Variants in CELSR1 observed in about 807,000 individuals in gnomAD.
The protein encoded by CELSR1 is cadherin EGF LAG seven-pass G-type receptor 1.
A neutral mutation model predicts 249.1 loss-of-function variants in CELSR1; 110 were observed. The observed-to-expected ratio is 0.44, with a 90% CI of 0.38 to 0.52. CELSR1 has a LOEUF of 0.52. Among genes scored for constraint, CELSR1 ranks in the 20% least tolerant of loss-of-function variants. CELSR1 has a pLI of 0.00. For synonymous variants in CELSR1, 2,113 were observed against 1,900.0 expected, an observed-to-expected ratio of 1.11 and a Z score of -2.92; for missense variants, 4,109 against 4,296.4, an observed-to-expected ratio of 0.96 and a Z score of 1.22.
chr22:46,372,766 G>A, intron 25 of CELSR1, 117 bp downstream of exon 25: 1 of 1,323,264 alleles, frequency 7.6e-7, no homozygotes, highest in Non-Finnish European at 1.0e-6. Flanking sequence ...CTCCTCTGCT[G>A]GGGGCTGGAC....
rs2079665098 is a variant in CELSR1, at chr22:46,436,634, GCT to G, written c.4407-347_4407-346del. ...AAGCACGTGCTGTACATTTTCTGCT[GCT>G]GTGAACAGATCCCCCCGTGTGTGCG... On this transcript the variant is annotated intron_variant, in intron 3 of 34. Coordinates refer to ENST00000674500, the MANE Select transcript of CELSR1 (RefSeq NM_001378328.1). This position sits in a 1 kb window ranked among gnomAD's most constrained non-coding sequence, Gnocchi z 5.9. Among the ~76,000 whole-genome samples, 3 of 152,188 alleles carry G rather than the reference GCT, an allele frequency of 2.0e-5. No homozygotes were observed. The highest frequency in any genetic ancestry group is 4.4e-5 in the Non-Finnish European group (3 of 68,028).
intron 1 of CELSR1, among the ~76,000 whole-genome samples, chr22:46,503,878 T>A (rs2080489162): frequency 2.0e-5 from 1 of 50,508 alleles, no homozygotes; most frequent in Non-Finnish European, 4.8e-5. Context: ...ACTAAAAAAT[T>A]TTAAAAGTAG....
chr22:46,432,668 G>A (rs528375131), intron 5 of CELSR1, among the ~76,000 whole-genome samples: 213 of 152,342 alleles, frequency 1.4e-3, no homozygotes, highest in African/African-American at 4.9e-3. Flanking sequence ...AGCCTTCACG[G>A]CACTTCCTTG....
At chr22:46,403,562 C>CA (rs1463091748) in intron 9 of CELSR1, among the ~76,000 whole-genome samples, 22 of 150,106 alleles carry the variant, frequency 1.5e-4, no homozygotes, top group Admixed American at 9.9e-4. Context: ...GTCACACACA[C>CA]AAAAAAAACA....
rs2078728775 is a variant in CELSR1, at chr22:46,363,478, A to G, written c.9036-231T>C. On this transcript the variant is annotated intron_variant, in intron 34 of 34. Coordinates refer to ENST00000674500, the MANE Select transcript of CELSR1 (RefSeq NM_001378328.1). This position sits in a 1 kb window ranked among gnomAD's most constrained non-coding sequence, Gnocchi z 4.3. The stretch of plus-strand genomic sequence containing the variant: ...TGTTGCTGGTCTTTCAGAAGAGCGC[A>G]AGGAATCCACGTTAGAAACCGGCCA... The G allele has an allele frequency of 2.6e-5, 13 of 494,766 alleles. No homozygotes were observed. Among genetic ancestry groups the G allele is most frequent in the Non-Finnish European group, 4.4e-5 (12 of 273,044 alleles). 30.6% of individuals were successfully genotyped at this position (494,766 alleles called of 1,614,324 possible). A position where few individuals can be genotyped will look rare whatever the true frequency, so the allele number is the denominator to read the frequency against.
chr22:46,481,437 C>T (rs1362452516), intron 1 of CELSR1: 30 of 1,573,260 alleles, frequency 1.9e-5, no homozygotes, highest in Non-Finnish European at 2.6e-5. Context: ...TCTGCTTCAA[C>T]TGAAGCTCCT....
intron 24 of CELSR1, 36 bp downstream of exon 24, chr22:46,377,025 G>T (rs1234247997): frequency 6.2e-7 from 1 of 1,604,694 alleles, no homozygotes; most frequent in South Asian, 1.1e-5. Flanking sequence ...CCAAGCTGCG[G>T]CCCAGACAGT....
intron 4 of CELSR1, among the ~76,000 whole-genome samples, chr22:46,435,896 T>G (rs2079654024): frequency 6.6e-6 from 1 of 151,914 alleles, no homozygotes; most frequent in Non-Finnish European, 1.5e-5. Flanking sequence ...AGAGGGGGTT[T>G]CACCATGTTG....
chr22:46,375,505 G>A (rs760394873), intron 24 of CELSR1, among the ~76,000 whole-genome samples: 15 of 149,854 alleles, frequency 1.0e-4, no homozygotes, highest in Non-Finnish European at 1.8e-4. Flanking sequence ...AGACTGCTCT[G>A]ATCTTCTGCC....
intron 12 of CELSR1, 64 bp downstream of exon 12, chr22:46,397,610 C>A: frequency 1.5e-6 from 2 of 1,350,274 alleles, no homozygotes; most frequent in Non-Finnish European, 1.9e-6. Context: ...ACTGAGCCCC[C>A]CTCCTGTGTT....
In CELSR1 at chr22:46,399,615, C is replaced by T; in HGVS notation, c.5412+102G>A. On this transcript the variant is annotated intron_variant, in intron 10 of 34. Transcript: ENST00000674500. The surrounding 1 kb of genome is among the most constrained non-coding windows in gnomAD (Gnocchi z 5.0). ...GACCCAGAAAGTGCCTCCCCAAATC[C>T]ACAAGGTCTCTGGTGGGTCCTGGCA... is the stretch of plus-strand genomic sequence containing the variant. 8.0e-7 allele frequency: 1 copy of T among 1,250,504 alleles called. No individual in the cohort carries two copies. Among genetic ancestry groups the T allele is most frequent in the Admixed American group, 1.9e-5 (1 of 52,190 alleles). 77.5% of individuals were successfully genotyped at this position (1,250,504 alleles called of 1,614,324 possible).
At position 46,440,846 on chromosome 22, in the gene CELSR1, C is replaced by A. The variant is rs897046111; in HGVS notation, c.4184-1435G>T. 6.6e-6 allele frequency among the ~76,000 whole-genome samples: 1 copy of A among 151,998 alleles called. No homozygotes were observed. ...TTTTTTTCTTCATGGCTCTGGTCATCTTGGGTTGTTAAAAGACTGCCACAG... is the reference window on the plus strand; with the variant it reads ...TTTTTTTCTTCATGGCTCTGGTCATATTGGGTTGTTAAAAGACTGCCACAG... On this transcript the variant is annotated intron_variant, in intron 2 of 34. Transcript: ENST00000674500. The surrounding 1 kb of genome is among the most constrained non-coding windows in gnomAD (Gnocchi z 4.7).
chr22:46,497,884 T>C (rs936063986), intron 1 of CELSR1, among the ~76,000 whole-genome samples: 10 of 152,144 alleles, frequency 6.6e-5, no homozygotes, highest in African/African-American at 2.2e-4. Context: ...AAGAAAACTA[T>C]GTAAAAGAAC....
intron 20 of CELSR1, 115 bp downstream of exon 20, chr22:46,384,428 G>C (rs2079010497): frequency 7.1e-6 from 9 of 1,273,588 alleles, no homozygotes; most frequent in Non-Finnish European, 9.4e-6. Flanking sequence ...AGAGCACTCG[G>C]AACACTCTGG....
chr22:46,383,199 C>G (rs1345656802), intron 20 of CELSR1, among the ~76,000 whole-genome samples: 2 of 151,980 alleles, frequency 1.3e-5, no homozygotes. Context: ...CAAGCATGAC[C>G]CCACATCAGA....
At position 46,412,640 on chromosome 22, in the gene CELSR1, C is replaced by G. The variant is rs1030572196; in HGVS notation, c.4612-881G>C. Among the ~76,000 whole-genome samples the G allele has an allele frequency of 2.6e-5, 4 of 152,184 alleles. No individual in the cohort carries two copies. Among genetic ancestry groups the G allele is most frequent in the South Asian group, 2.1e-4 (1 of 4,830 alleles). On this transcript the variant is annotated intron_variant, in intron 5 of 34. Coordinates refer to ENST00000674500, the MANE Select transcript of CELSR1 (RefSeq NM_001378328.1). This position sits in a 1 kb window ranked among gnomAD's most constrained non-coding sequence, Gnocchi z 4.5. ...GAGCCCACTTTCCCCAGACAGCCCT[C>G]GCAGGTCTCAGCTCCTGGTCAGTCC...
chr22:46,391,220 C>A lies in CELSR1; in HGVS notation c.6216G>T (p.Gln2072His), dbSNP rs1251916136. The A allele has an allele frequency of 6.2e-7, 1 of 1,613,628 alleles. No homozygotes were observed. Residue 2072 changes from glutamine to histidine, a missense_variant, in exon 16 of 35, where the codon CAG becomes CAT. Gln to His is a conservative substitution (Grantham distance 24, BLOSUM62 0). Around this residue, in one of 7 missense-constraint regions of CELSR1, gnomAD observed 1,805 missense variants for 1,831.6 expected, o/e 0.99. Transcript: ENST00000674500. The surrounding 1 kb of genome is among the most constrained non-coding windows in gnomAD (Gnocchi z 4.3). Reference sequence around the variant, plus strand: ...CCTTAGGGCATGGCACCGCAGCCGGCTGCCCGAACTTGGTCTGTGGCCACC... The same window carrying A: ...CCTTAGGGCATGGCACCGCAGCCGGATGCCCGAACTTGGTCTGTGGCCACC... ...GIWWPQTKFG[Q>H]PAAVPCPKGS... is the part of the protein sequence containing the mutation.
intron 5 of CELSR1, among the ~76,000 whole-genome samples, chr22:46,422,074 T>C (rs1230426779): frequency 6.6e-6 from 1 of 151,934 alleles, no homozygotes; most frequent in African/African-American, 2.4e-5. Context: ...TTATCTTACA[T>C]ATTCTGTATA....
intron 1 of CELSR1, among the ~76,000 whole-genome samples, chr22:46,469,404 G>A (rs2080130586): frequency 6.6e-6 from 1 of 152,170 alleles, no homozygotes; most frequent in Admixed American, 6.6e-5. Context: ...ACACCCCTGG[G>A]TCCCTCGATG....
Sources: allele counts gnomAD v4.1 joint callset (sites outside exome capture counted in the v4.1 genomes callset), GRCh38; gene constraint gnomAD v4.1.1; regional missense constraint gnomAD v4.1.1; non-coding constraint Gnocchi (gnomAD v3.1); transcripts MANE v1.5; gene names NCBI Gene and HGNC (gene_info 2026-07-23, HGNC 2026-07-21).